Variants in MICU2 observed in about 807,000 individuals in gnomAD.
The protein encoded by MICU2 is mitochondrial calcium uptake 2.
A neutral mutation model predicts 60.4 loss-of-function variants in MICU2; 64 were observed. That is an observed-to-expected ratio of 1.06 (90% CI 0.87 to 1.31). The LOEUF (loss-of-function observed/expected upper bound fraction) is 1.31. Among genes scored for constraint, MICU2 ranks in the 50% most tolerant of loss-of-function variants. The pLI is 0.00. For missense variants in MICU2, 569 were observed against 531.0 expected (o/e 1.07, Z -0.70); for synonymous variants, 201 against 175.0 (o/e 1.15, Z -1.17).
At chr13:21,566,251 T>C (rs1023403729) in intron 2 of MICU2, among the ~76,000 whole-genome samples, 2 of 152,202 alleles carry the variant, frequency 1.3e-5, no homozygotes, top group African/African-American at 4.8e-5. Flanking sequence ...CCAACAAGTT[T>C]TCACAGACTA....
At chr13:21,596,377 T>C (rs1394211511) in intron 1 of MICU2, among the ~76,000 whole-genome samples, 1 of 151,852 alleles carries the variant, frequency 6.6e-6, no homozygotes, top group African/African-American at 2.4e-5. Flanking sequence ...GCTTGCATTA[T>C]GCAAAGCAGC....
In MICU2 at chr13:21,566,818, C is replaced by A. The variant is rs1887994143; in HGVS notation, c.337G>T (p.Val113Leu). The change falls in exon 2 of 12, where the codon GTG (valine) becomes TTG (leucine). Residue 113 changes from valine to leucine, a missense_variant. By Grantham distance (32) the Val-to-Leu change is conservative. Coordinates refer to ENST00000382374, the MANE Select transcript of MICU2 (RefSeq NM_152726.3). The part of the protein sequence containing the change: ...YMTPRDFLFS[V>L]MFEQMERKTS... ...TCACGTTCCATTTGCTCAAACATCA[C>A]TGAGAAGAGGAAGTCTCGTGGTGTC... 2 of 1,596,034 alleles carry A rather than the reference C, an allele frequency of 1.3e-6. No homozygotes were observed. Among genetic ancestry groups the A allele is most frequent in the South Asian group, 2.3e-5 (2 of 87,424 alleles).
At chr13:21,530,771 C>CCGCCCCAGCAG (rs1886975546) in intron 4 of MICU2, 3 of 634,950 alleles carry the variant, frequency 4.7e-6, no homozygotes, top group Non-Finnish European at 8.3e-6. Context: ...ATACCCACCA[C>CCGCCCCAGCAG]CGCCCCAGCA....
At chr13:21,601,974 G>A (rs986014521) in intron 1 of MICU2, among the ~76,000 whole-genome samples, 1 of 151,894 alleles carries the variant, frequency 6.6e-6, no homozygotes, top group African/African-American at 2.4e-5. Context: ...TGGACGTGGT[G>A]GCGTATGCCT....
At chr13:21,530,702 G>GT (rs1233904795) in intron 4 of MICU2, 4 of 425,706 alleles carry the variant, frequency 9.4e-6, no homozygotes, top group Non-Finnish European at 1.7e-5. Flanking sequence ...CACTGAGGGG[G>GT]TCGGGGAGGC....
At position 21,566,729 on chromosome 13, in the gene MICU2, C is replaced by T. The variant is rs953057717; in HGVS notation, c.358+68G>A. The T allele has an allele frequency of 1.5e-5, 20 of 1,333,474 alleles. No individual in the cohort carries two copies. The African/African-American group carries it at 2.9e-4, about 19-fold the overall frequency. The allele number at this position is 1,333,474 out of a possible 1,614,324, so 82.6% of individuals were successfully genotyped here. A position where few individuals can be genotyped will look rare whatever the true frequency, so the allele number is the denominator to read the frequency against. On this transcript the variant is annotated intron_variant, in intron 2 of 11. Coordinates refer to ENST00000382374, the MANE Select transcript of MICU2 (RefSeq NM_152726.3). ...AAATGAAGAAAAGCTGTTATCAATC[C>T]TGAAAAACAGGTTTTTCAGCCCTGA...
At chr13:21,550,362 C>T (rs776382695) in intron 2 of MICU2, among the ~76,000 whole-genome samples, 4 of 152,038 alleles carry the variant, frequency 2.6e-5, no homozygotes, top group Non-Finnish European at 5.9e-5. Flanking sequence ...CCAAGCAAAA[C>T]CTCTCTCTCT....
intron 9 of MICU2, among the ~76,000 whole-genome samples, chr13:21,499,429 A>G (rs1886087468): frequency 6.7e-6 from 1 of 148,636 alleles, no homozygotes; most frequent in Non-Finnish European, 1.5e-5. Flanking sequence ...TTTTTTTTTG[A>G]GATGGAGTCT....
chr13:21,521,532 T>C (rs183489607), intron 5 of MICU2, among the ~76,000 whole-genome samples: 1 of 152,298 alleles, frequency 6.6e-6, no homozygotes. Context: ...ACTCTTTCCA[T>C]AGGTGCTGCT....
At chr13:21,603,174 G>A (rs917092511) in intron 1 of MICU2, among the ~76,000 whole-genome samples, 1 of 152,054 alleles carries the variant, frequency 6.6e-6, no homozygotes, top group Non-Finnish European at 1.5e-5. Context: ...GCTTCACCAT[G>A]TTGGCCAGGC....
chr13:21,603,705 T>C (rs1888880227), intron 1 of MICU2: 4 of 558,228 alleles, frequency 7.2e-6, no homozygotes, highest in South Asian at 2.2e-5. Flanking sequence ...GTCCGCGGGG[T>C]TCTCCCAAGG....
intron 11 of MICU2, among the ~76,000 whole-genome samples, chr13:21,493,742 A>G (rs180935256): frequency 6.6e-6 from 1 of 152,130 alleles, no homozygotes; most frequent in Non-Finnish European, 1.5e-5. Context: ...TATGTAGAAT[A>G]CAATTATAAG....
intron 6 of MICU2, among the ~76,000 whole-genome samples, chr13:21,520,879 T>G (rs1473520632): frequency 6.6e-6 from 1 of 152,112 alleles, no homozygotes; most frequent in Non-Finnish European, 1.5e-5. Context: ...GTTTTTATTA[T>G]GTCTATTCTT....
chr13:21,503,008 G>A lies in MICU2; in HGVS notation c.851C>T (p.Ala284Val), dbSNP rs748894130. ...GTTAGTGAAAAAAAGTAGCCACTCT[G>A]CAAAGTCTTCTTTTCTCATGAAACT... The part of the protein sequence containing the change: ...GLSFMRKEDF[A>V]EWLLFFTNTE... The change falls in exon 9 of 12, where the codon GCA (alanine) becomes GTA (valine). Residue 284 changes from alanine (A) to valine (V), a missense_variant. By Grantham distance (64) the Ala-to-Val change is moderately conservative. Transcript: ENST00000382374. The A allele has an allele frequency of 6.2e-7, 1 of 1,610,174 alleles. No homozygotes were observed. The highest frequency in any genetic ancestry group is 8.5e-7 in the Non-Finnish European group (1 of 1,178,548).
intron 1 of MICU2, among the ~76,000 whole-genome samples, chr13:21,593,600 C>T (rs1466125119): frequency 1.1e-5 from 1 of 90,728 alleles, no homozygotes; most frequent in Admixed American, 1.2e-4. Flanking sequence ...AAAAACAAAG[C>T]TGGAGGCATC....
At chr13:21,545,300 G>T (rs943620673) in intron 2 of MICU2, among the ~76,000 whole-genome samples, 19 of 152,214 alleles carry the variant, frequency 1.2e-4, no homozygotes, top group African/African-American at 4.3e-4. Context: ...AACATGGATG[G>T]AACTGGAGGA....
At chr13:21,526,512 T>C (rs1886860633) in intron 4 of MICU2, among the ~76,000 whole-genome samples, 26 of 152,072 alleles carry the variant, frequency 1.7e-4, no homozygotes, top group Admixed American at 1.7e-3. Flanking sequence ...ACAGATGGCA[T>C]TGTATACTTC....
intron 2 of MICU2, among the ~76,000 whole-genome samples, chr13:21,540,000 A>T (rs1279746497): frequency 1.3e-5 from 2 of 152,174 alleles, no homozygotes; most frequent in African/African-American, 4.8e-5. Context: ...AATTCTTGTC[A>T]AACATAATTT....
intron 2 of MICU2, among the ~76,000 whole-genome samples, chr13:21,564,217 C>T (rs1042615125): frequency 6.6e-6 from 1 of 152,030 alleles, no homozygotes; most frequent in African/African-American, 2.4e-5. Flanking sequence ...TTTTAGCATG[C>T]CTTGTGACTT....
Sources: gnomAD v4.1 joint callset for allele counts (sites outside exome capture counted in the v4.1 genomes callset) on GRCh38, gnomAD v4.1.1 for gene constraint, MANE v1.5 for transcripts, NCBI Gene and HGNC (gene_info 2026-07-23, HGNC 2026-07-21) for gene names.